Variants in C22orf42 observed in about 807,000 individuals in gnomAD.
The protein encoded by C22orf42 is uncharacterized protein C22orf42.
A neutral mutation model predicts 31.4 loss-of-function variants in C22orf42; 24 were observed. That is an observed-to-expected ratio of 0.77 (90% CI 0.55 to 1.08). C22orf42 has a LOEUF of 1.08. Among genes scored for constraint, C22orf42 ranks in the 50% least tolerant of loss-of-function variants. C22orf42 has a pLI of 0.00. For missense variants in C22orf42, 276 were observed against 327.3 expected (o/e 0.84, Z 1.21); for synonymous variants, 96 against 112.7 (o/e 0.85, Z 0.94).
At chr22:32,152,888 A>G (rs1754113336) in intron 2 of C22orf42, among the ~76,000 whole-genome samples, 1 of 152,164 alleles carries the variant, frequency 6.6e-6, no homozygotes, top group Admixed American at 6.6e-5. Context: ...AAGGCACTGT[A>G]TGGTTCAGCG....
intron 2 of C22orf42, among the ~76,000 whole-genome samples, chr22:32,153,971 C>T (rs113082329): frequency 2.0e-5 from 3 of 151,394 alleles, no homozygotes; most frequent in Admixed American, 6.6e-5. Context: ...TCGCAGTGAG[C>T]TGTGATTGCA....
rs1302686937 is a variant in C22orf42, at chr22:32,149,360, G to C, written c.*180C>G. 4 of 636,888 alleles carry C rather than the reference G, an allele frequency of 6.3e-6. No homozygotes were observed. The highest frequency in any genetic ancestry group is 8.9e-6 in the Non-Finnish European group (4 of 451,778). 39.5% of individuals were successfully genotyped at this position (636,888 alleles called of 1,614,324 possible). ...ATGTGAGCCTCAGAATGAAATGTAAGAACACCAGGCTGCAAGAGGACTGGC... is the reference window on the plus strand; with the variant it reads ...ATGTGAGCCTCAGAATGAAATGTAACAACACCAGGCTGCAAGAGGACTGGC... On this transcript the variant is annotated 3_prime_UTR_variant, in exon 9 of 9. Transcript: ENST00000382097.
At position 32,159,236 on chromosome 22, in the gene C22orf42, A is replaced by G. The variant is rs1235910937; in HGVS notation, c.-21T>C. On this transcript the variant is annotated 5_prime_UTR_variant, in exon 1 of 9. Transcript: ENST00000382097. ...CCCATTGGGCACCTAAACACACAAA[A>G]AAGTCCAAGAGGCACAAGGACAGAA... The G allele has an allele frequency of 3.1e-6, 5 of 1,609,532 alleles. No individual in the cohort carries two copies. The highest frequency in any genetic ancestry group is 4.2e-6 in the Non-Finnish European group (5 of 1,179,730).
Position 32,150,430 on chromosome 22 carries a change from G to A in C22orf42, c.543C>T (p.Phe181=), listed in dbSNP as rs771014559. The A allele has an allele frequency of 7.1e-5, 115 of 1,613,970 alleles. No individual in the cohort carries two copies. Among genetic ancestry groups the A allele is most frequent in the Non-Finnish European group, 1.2e-5 (14 of 1,179,988 alleles). The change falls in exon 7 of 9, where the codon TTC becomes TTT. Residue 181 remains phenylalanine, a synonymous_variant. Coordinates refer to ENST00000382097, the MANE Select transcript of C22orf42 (RefSeq NM_001010859.3). ...GGCTTTCACTGAGATCCGATGTCAT[G>A]AAGTCTTCAAGACAGACAGATAGGC... ...SESLSVCLED[F]MTSDLSESLS...
chr22:32,152,005 G>C, intron 4 of C22orf42, 62 bp downstream of exon 4: 1 of 1,476,506 alleles, frequency 6.8e-7, no homozygotes, highest in Non-Finnish European at 9.3e-7. Context: ...TACGTTAAAT[G>C]AGTGAATTGT....
At position 32,154,228 on chromosome 22, in the gene C22orf42, T is replaced by G; in HGVS notation, c.307+16A>C. Reference sequence around the variant, plus strand: ...TGTTTGCTTAAATGAACTTAATGATTTAATTTCCACATTACCTATATTTTC... The same window carrying G: ...TGTTTGCTTAAATGAACTTAATGATGTAATTTCCACATTACCTATATTTTC... On this transcript the variant is annotated intron_variant, in intron 2 of 8. Coordinates refer to ENST00000382097, the MANE Select transcript of C22orf42 (RefSeq NM_001010859.3). 1.9e-6 allele frequency: 3 copies of G among 1,607,946 alleles called. No individual in the cohort carries two copies. The highest frequency in any genetic ancestry group is 2.2e-5 in the South Asian group (2 of 89,534).
chr22:32,156,769 G>T (rs1378152979), intron 1 of C22orf42, among the ~76,000 whole-genome samples: 14 of 148,816 alleles, frequency 9.4e-5, no homozygotes, highest in Non-Finnish European at 1.3e-4. Context: ...AGACATTTCA[G>T]TTATTTCCAA....
chr22:32,159,233 A>G lies in C22orf42; in HGVS notation c.-18T>C, dbSNP rs1349219942. 1 of 1,609,878 alleles carries G rather than the reference A, an allele frequency of 6.2e-7. No individual in the cohort carries two copies. Among genetic ancestry groups the G allele is most frequent in the Non-Finnish European group, 8.5e-7 (1 of 1,179,676 alleles). On this transcript the variant is annotated 5_prime_UTR_variant, in exon 1 of 9. Coordinates refer to ENST00000382097, the MANE Select transcript of C22orf42 (RefSeq NM_001010859.3). ...CTCCCCATTGGGCACCTAAACACAC[A>G]AAAAAGTCCAAGAGGCACAAGGACA... is the stretch of plus-strand genomic sequence containing the variant.
chr22:32,156,952 A>G (rs71313111), intron 1 of C22orf42, among the ~76,000 whole-genome samples: 32,090 of 152,118 alleles, frequency 0.21, 3,463 homozygotes, highest in Middle Eastern at 0.23. Flanking sequence ...TCCACCAGCA[A>G]TATATGCATG....
chr22:32,159,437 C>T (rs1921477278), upstream of C22orf42: 1 of 1,404,660 alleles, frequency 7.1e-7, no homozygotes, highest in African/African-American at 1.4e-5. Flanking sequence ...CTCACAATGC[C>T]CATCCCTGCT....
intron 1 of C22orf42, among the ~76,000 whole-genome samples, chr22:32,156,333 C>T (rs935272517): frequency 6.6e-6 from 1 of 151,840 alleles, no homozygotes; most frequent in African/African-American, 2.4e-5. Flanking sequence ...CCATATTACA[C>T]CTAACTTAAA....
Position 32,149,175 on chromosome 22 carries a change from T to G in C22orf42, c.*365A>C, listed in dbSNP as rs1460760899. ...GTCAGTTAATATTAGTTCTTCTTCC[T>G]CCACCAGCTCAGCTCCTTTGCTCTT... On this transcript the variant is annotated 3_prime_UTR_variant, in exon 9 of 9. Coordinates refer to ENST00000382097, the MANE Select transcript of C22orf42 (RefSeq NM_001010859.3). 1 of 160,776 alleles carries G rather than the reference T, an allele frequency of 6.2e-6. No homozygotes were observed. The highest frequency in any genetic ancestry group is 2.4e-5 in the African/African-American group (1 of 41,900). The allele number at this position is 160,776 out of a possible 1,614,324, so 10.0% of individuals were successfully genotyped here. A position where few individuals can be genotyped will look rare whatever the true frequency, so the allele number is the denominator to read the frequency against.
At chr22:32,154,616 G>T (rs1421586940) in intron 1 of C22orf42, among the ~76,000 whole-genome samples, 1 of 152,206 alleles carries the variant, frequency 6.6e-6, no homozygotes, top group Non-Finnish European at 1.5e-5. Context: ...AATGGCCTGG[G>T]TTCAAATCCT....
chr22:32,150,050 G>T, intron 7 of C22orf42: 1 of 545,974 alleles, frequency 1.8e-6, no homozygotes, highest in South Asian at 2.9e-5. Context: ...CAGATAGTTT[G>T]TAAGTGATGC....
At chr22:32,159,509 C>T (rs1178544336), upstream of C22orf42, 1 of 1,263,336 alleles carries the variant, frequency 7.9e-7, no homozygotes, top group Non-Finnish European at 1.0e-6. Flanking sequence ...CCTGGGCTGC[C>T]TGAGCTTTCC....
intron 1 of C22orf42, among the ~76,000 whole-genome samples, chr22:32,155,463 C>A (rs768551047): frequency 6.0e-5 from 9 of 151,142 alleles, no homozygotes; most frequent in Non-Finnish European, 1.3e-4. Flanking sequence ...GGTGGCCTGC[C>A]ATGTAAGAGG....
Position 32,159,057 on chromosome 22 carries a change from CA to C in C22orf42, c.158del (p.Leu53Ter). The C allele has an allele frequency of 6.2e-7, 1 of 1,614,186 alleles. No individual in the cohort carries two copies. Among genetic ancestry groups the C allele is most frequent in the Non-Finnish European group, 8.5e-7 (1 of 1,180,038 alleles). On this transcript the variant is annotated frameshift_variant, in exon 1 of 9. Transcript: ENST00000382097. LOFTEE classifies it high-confidence loss of function. ...GCATGAGTTGGGCCTTCTTAGCTTT[CA>C]AATCCAATTTGGCAGGCTTTGCAGT... ...STTAKPAKLD[L>X]KAKKAQLMQY...
intron 8 of C22orf42, 35 bp downstream of exon 8, chr22:32,149,718 T>C: frequency 8.4e-7 from 1 of 1,185,594 alleles, no homozygotes; most frequent in Non-Finnish European, 1.1e-6. Context: ...TATCTACATA[T>C]ATATCTATAT....
intron 2 of C22orf42, 97 bp downstream of exon 2, chr22:32,154,147 G>A (rs1303932492): frequency 3.5e-5 from 38 of 1,090,918 alleles, no homozygotes; most frequent in Non-Finnish European, 4.7e-5. Flanking sequence ...TGAAGAACAT[G>A]ACATAGCATT....
Sources: allele counts gnomAD v4.1 joint callset (sites outside exome capture counted in the v4.1 genomes callset), GRCh38; gene constraint gnomAD v4.1.1; transcripts MANE v1.5; gene names NCBI Gene and HGNC (gene_info 2026-07-23, HGNC 2026-07-21).